Variants in SIRPB1 observed in about 807,000 individuals in gnomAD.
SIRPB1 encodes signal-regulatory protein beta-1.
A neutral mutation model predicts 34.1 loss-of-function variants in SIRPB1; 28 were observed. The observed-to-expected ratio is 0.82, with a 90% CI of 0.61 to 1.12. The LOEUF (loss-of-function observed/expected upper bound fraction) is 1.12, where lower values mean the gene tolerates loss of function less well. Ranked by LOEUF, SIRPB1 falls within the 50% of genes most tolerant of loss-of-function variation. The pLI is 0.00. For missense variants in SIRPB1, 499 were observed against 507.0 expected, an observed-to-expected ratio of 0.98 and a Z score of 0.15; for synonymous variants, 211 against 203.8, an observed-to-expected ratio of 1.04 and a Z score of -0.30.
intron 4 of SIRPB1, chr20:1,570,545 A>T (rs1441010599): frequency 2.7e-6 from 1 of 366,016 alleles, no homozygotes; most frequent in Non-Finnish European, 4.9e-6. Context: ...ATGTATATTT[A>T]TGTCAAAATA....
chr20:1,619,317 G>T (rs2091674650), intron 1 of SIRPB1, among the ~76,000 whole-genome samples: 1 of 152,200 alleles, frequency 6.6e-6, no homozygotes, highest in African/African-American at 2.4e-5. Flanking sequence ...CAGAGAAATG[G>T]GTGGTAAGAA....
At chr20:1,568,194 T>A (rs1414900885) in intron 4 of SIRPB1, among the ~76,000 whole-genome samples, 2 of 152,100 alleles carry the variant, frequency 1.3e-5, no homozygotes, top group Non-Finnish European at 2.9e-5. Context: ...AAAAGTAAAT[T>A]CTACACAATC....
At chr20:1,578,309 G>T in intron 2 of SIRPB1, 29 bp downstream of exon 2, 1 of 1,560,264 alleles carries the variant, frequency 6.4e-7, no homozygotes, top group South Asian at 1.1e-5. Flanking sequence ...CACACACCAG[G>T]GGACAAAGGA....
chr20:1,588,674 T>A lies in SIRPB1; in HGVS notation c.77-9980A>T. On this transcript the variant is annotated intron_variant, in intron 1 of 5. Transcript: ENST00000381605. ...GCCTGCTCTGTTCAAACGTCTGTGG[T>A]GGGGAGATGTCAGGCTCTGCTCTGA... 3.5e-6 allele frequency: 2 copies of A among 572,506 alleles called. 1 individual carries two copies. Among genetic ancestry groups the A allele is most frequent in the Non-Finnish European group, 4.6e-6 (2 of 437,470 alleles). The allele number at this position is 572,506 out of a possible 1,614,324, so 35.5% of individuals were successfully genotyped here.
rs1194541100 is a variant in SIRPB1, at chr20:1,581,081, A to G, written c.77-2387T>C. Among the ~76,000 whole-genome samples, 9 of 49,222 alleles carry G rather than the reference A, an allele frequency of 1.8e-4. 4 individuals are homozygous for G. The highest frequency in any genetic ancestry group is 1.2e-3 in the East Asian group (2 of 1,714). The allele number at this position is 49,222 out of a possible 152,430, so 32.3% of individuals were successfully genotyped here. On this transcript the variant is annotated intron_variant, in intron 1 of 5. Coordinates refer to ENST00000381605, the MANE Select transcript of SIRPB1 (RefSeq NM_006065.5). ...TTGAAAGAGGAAAAACATGTCAATCATGAATTCTATACCTGGCAAAGTGTC... is the reference window on the plus strand; with the variant it reads ...TTGAAAGAGGAAAAACATGTCAATCGTGAATTCTATACCTGGCAAAGTGTC...
rs562761101 is a variant in SIRPB1, at chr20:1,578,970, C to T, written c.77-276G>A. 3.8e-4 allele frequency among the ~76,000 whole-genome samples: 56 copies of T among 147,648 alleles called. 3 individuals are homozygous for T. The highest frequency in any genetic ancestry group is 8.1e-4 in the African/African-American group (33 of 40,768). On this transcript the variant is annotated intron_variant, in intron 1 of 5. Coordinates refer to ENST00000381605, the MANE Select transcript of SIRPB1 (RefSeq NM_006065.5). ...CTTTCTTTTCTTTTCTTTTTTGAGA[C>T]GGGGTCTTGCTCTGTCTGCTGCCCA...
chr20:1,613,864 A>G (rs1193863427), intron 1 of SIRPB1, among the ~76,000 whole-genome samples: 2 of 152,220 alleles, frequency 1.3e-5, no homozygotes, highest in African/African-American at 4.8e-5. Flanking sequence ...TAGATAAAAT[A>G]CAGGAATCTA....
Position 1,571,144 on chromosome 20 carries a change from C to T in SIRPB1, c.752-7G>A, listed in dbSNP as rs776699279. Reference sequence around the variant, plus strand: ...ACCTCCAAGGTGGGTGGAACTGAAACAGCACAGGGCAGAAGCTCTGATCTT... The same window carrying T: ...ACCTCCAAGGTGGGTGGAACTGAAATAGCACAGGGCAGAAGCTCTGATCTT... On this transcript the variant is annotated splice_polypyrimidine_tract_variant and splice_region_variant and intron_variant, in intron 3 of 5. Transcript: ENST00000381605. 7 of 1,609,146 alleles carry T rather than the reference C, an allele frequency of 4.4e-6. No homozygotes were observed. Among genetic ancestry groups the T allele is most frequent in the African/African-American group, 2.7e-5 (2 of 74,864 alleles).
At chr20:1,571,667 G>T (rs2091238751) in intron 3 of SIRPB1, 53 bp downstream of exon 3, 26 of 1,611,854 alleles carry the variant, frequency 1.6e-5, no homozygotes, top group Non-Finnish European at 2.2e-5. Context: ...GGGGAGAGGG[G>T]AGTGGGCTTG....
At chr20:1,574,574 G>C (rs1600110746) in intron 2 of SIRPB1, among the ~76,000 whole-genome samples, 1 of 140,274 alleles carries the variant, frequency 7.1e-6, no homozygotes, top group East Asian at 2.0e-4. Flanking sequence ...CTAATGAGCA[G>C]CCAAGGTTGA....
rs1379770106 is a variant in SIRPB1, at chr20:1,610,573, T to C, written c.76+9296A>G. ...ATGGGAAACCCCTAAGTCACCCACT[T>C]GTGGGACCTCTTTCCTGAGGTGAGG... On this transcript the variant is annotated intron_variant, in intron 1 of 5. Transcript: ENST00000381605. Among the ~76,000 whole-genome samples the C allele has an allele frequency of 5.5e-5, 4 of 72,242 alleles. 1 individual carries two copies. Among genetic ancestry groups the C allele is most frequent in the African/African-American group, 3.5e-4 (4 of 11,378 alleles). 47.4% of individuals were successfully genotyped at this position (72,242 alleles called of 152,430 possible).
At chr20:1,579,316 C>T (rs947526401) in intron 1 of SIRPB1, among the ~76,000 whole-genome samples, 2 of 148,174 alleles carry the variant, frequency 1.3e-5, no homozygotes, top group African/African-American at 4.9e-5. Context: ...GAGCCCTCCT[C>T]GGAAGTGCCA....
intron 1 of SIRPB1, among the ~76,000 whole-genome samples, chr20:1,616,938 A>G (rs1372185784): frequency 6.6e-6 from 1 of 152,230 alleles, no homozygotes; most frequent in Non-Finnish European, 1.5e-5. Flanking sequence ...TCAGACCTAT[A>G]AAAATACTCA....
rs182722719 is a variant in SIRPB1 at position 1,572,622 on chromosome 20, T to A, written c.434-585A>T. Among the ~76,000 whole-genome samples the A allele has an allele frequency of 1.3e-3, 193 of 152,168 alleles. No individual in the cohort carries two copies. In the Middle Eastern group the frequency reaches 0.024, roughly 19 times the overall value. The stretch of plus-strand genomic sequence containing the variant: ...TTTGCTCTGGATCAAACACAGAAGA[T>A]GCTTCCCCCAAAAAACACAGATCTA... On this transcript the variant is annotated intron_variant, in intron 2 of 5. Coordinates refer to ENST00000381605, the MANE Select transcript of SIRPB1 (RefSeq NM_006065.5).
Position 1,619,936 on chromosome 20 carries a change from C to T in SIRPB1, c.9G>A (p.Val3=). 6.2e-7 allele frequency: 1 copy of T among 1,613,670 alleles called. No individual in the cohort carries two copies. The change falls in exon 1 of 6, where the codon GTG becomes GTA. Residue 3 remains valine (V), a synonymous_variant. Transcript: ENST00000381605. ...TAGGAAGGTGGGGCCAGGAGGCTGG[C>T]ACGGGCATTCTGGAGACCTTAGGAG... The part of the protein sequence containing the change: MP[V]PASWPHLPSP...
At chr20:1,615,268 A>G (rs1250186256) in intron 1 of SIRPB1, among the ~76,000 whole-genome samples, 1 of 152,116 alleles carries the variant, frequency 6.6e-6, no homozygotes, top group Non-Finnish European at 1.5e-5. Context: ...ATGGCCAGAC[A>G]TTTTCCCCAG....
intron 2 of SIRPB1, among the ~76,000 whole-genome samples, chr20:1,577,402 G>T (rs191608203): frequency 1.4e-5 from 2 of 147,850 alleles, no homozygotes; most frequent in African/African-American, 4.9e-5. Context: ...CATCTGTAAA[G>T]GGGGTTGGGC....
At position 1,599,825 on chromosome 20, in the gene SIRPB1, T is replaced by C. The variant is rs1487060070; in HGVS notation, c.76+20044A>G. 4.0e-5 allele frequency among the ~76,000 whole-genome samples: 2 copies of C among 50,224 alleles called. 1 individual carries two copies. Among genetic ancestry groups the C allele is most frequent in the Non-Finnish European group, 7.8e-5 (2 of 25,730 alleles). The allele number at this position is 50,224 out of a possible 152,430, so 32.9% of individuals were successfully genotyped here. A position where few individuals can be genotyped will look rare whatever the true frequency, so the allele number is the denominator to read the frequency against. On this transcript the variant is annotated intron_variant, in intron 1 of 5. Transcript: ENST00000381605. ...CTAGTAGAGGGACCCCTGCCCTTGT[T>C]CCCATCCCCATTACCTTATAAAAGT...
chr20:1,598,864 C>T lies in SIRPB1; in HGVS notation c.77-20170G>A. On this transcript the variant is annotated intron_variant, in intron 1 of 5. Transcript: ENST00000381605. ...CCAGTAGACATAGATGACAGAGACACCAACCACCAGCAGCACCTTGGGGCC... is the reference window on the plus strand; with the variant it reads ...CCAGTAGACATAGATGACAGAGACATCAACCACCAGCAGCACCTTGGGGCC... 2 of 575,762 alleles carry T rather than the reference C, an allele frequency of 3.5e-6. 1 individual carries two copies. Among genetic ancestry groups the T allele is most frequent in the Non-Finnish European group, 4.6e-6 (2 of 435,788 alleles). The allele number at this position is 575,762 out of a possible 1,614,324, so 35.7% of individuals were successfully genotyped here.
Sources: gnomAD v4.1 joint callset for allele counts (sites outside exome capture counted in the v4.1 genomes callset) on GRCh38, gnomAD v4.1.1 for gene constraint, MANE v1.5 for transcripts, NCBI Gene and HGNC (gene_info 2026-07-23, HGNC 2026-07-21) for gene names.